Variants in ENPP3 observed in about 807,000 individuals in gnomAD.
ENPP3 encodes ectonucleotide pyrophosphatase/phosphodiesterase family member 3.
Under a neutral mutation model 117.8 loss-of-function variants are expected in ENPP3, and 104 were observed. The ratio of observed to expected loss-of-function variants is 0.88; its 90% CI spans 0.75 to 1.04. The LOEUF (loss-of-function observed/expected upper bound fraction) is 1.04, where lower values mean the gene tolerates loss of function less well. Ranked by LOEUF, ENPP3 falls within the 50% of genes least tolerant of loss-of-function variation. The probability of loss-of-function intolerance (pLI) is 0.00; values close to 1 mark genes in which losing one functional copy is unlikely to be tolerated. For synonymous variants in ENPP3, 380 were observed against 349.9 expected, an observed-to-expected ratio of 1.09 and a Z score of -0.96; for missense variants, 1,026 against 1,051.9, an observed-to-expected ratio of 0.98 and a Z score of 0.34.
At chr6:131,664,987 T>C (rs1185727886) in intron 6 of ENPP3, among the ~76,000 whole-genome samples, 1 of 152,188 alleles carries the variant, frequency 6.6e-6, no homozygotes, top group Admixed American at 6.5e-5. Context: ...TCAAATGCTC[T>C]TTCTGCTTCT....
In ENPP3 at chr6:131,691,906, T is replaced by G. The variant is rs9398992; in HGVS notation, c.1285-1591T>G. ...AATGATAAATAAAACAGTAGAAGCA[T>G]AAGAAGCCTAGAAAATATACCAAAA... On this transcript the variant is annotated intron_variant, in intron 14 of 24. Transcript: ENST00000357639. 3.2e-4 allele frequency among the ~76,000 whole-genome samples: 49 copies of G among 152,280 alleles called. 1 individual carries two copies. The East Asian group carries it at 9.2e-3, about 29-fold the overall frequency.
intron 3 of ENPP3, among the ~76,000 whole-genome samples, chr6:131,651,315 T>C (rs1216297821): frequency 6.6e-6 from 1 of 152,220 alleles, no homozygotes; most frequent in East Asian, 1.9e-4. Flanking sequence ...CAATTCAACC[T>C]ATAAGACCTA....
intron 15 of ENPP3, among the ~76,000 whole-genome samples, chr6:131,695,890 T>C (rs772439915): frequency 2.5e-4 from 38 of 152,022 alleles, no homozygotes; most frequent in Non-Finnish European, 4.6e-4. Context: ...CACTCCAGCC[T>C]GGGCAACAGA....
intron 15 of ENPP3, chr6:131,709,826 G>C (rs202051647): frequency 0.14 from 217,738 of 1,605,754 alleles, 26,394 homozygotes; most frequent in African/African-American, 0.58. Flanking sequence ...TTCCTGTAGA[G>C]TTTCATTTCA....
chr6:131,638,389 T>C, intron 1 of ENPP3: 3 of 363,062 alleles, frequency 8.3e-6, no homozygotes, highest in South Asian at 6.5e-5. Context: ...CTATCTAAGA[T>C]CTCTTAAGAA....
intron 6 of ENPP3, among the ~76,000 whole-genome samples, chr6:131,665,848 C>A (rs982179863): frequency 2.0e-5 from 3 of 152,050 alleles, no homozygotes; most frequent in Non-Finnish European, 4.4e-5. Context: ...TTAATGTAGG[C>A]ATTTATTACT....
intron 15 of ENPP3, among the ~76,000 whole-genome samples, chr6:131,717,351 GGTGTGT>G (rs71030754): frequency 0.12 from 11,030 of 89,142 alleles, 565 homozygotes; most frequent in East Asian, 0.22. Flanking sequence ...CCCTGCGGGG[GGTGTGT>G]GTGTGTGTGT....
chr6:131,738,226 A>G, intron 23 of ENPP3, 63 bp downstream of exon 23: 1 of 1,295,032 alleles, frequency 7.7e-7, no homozygotes, highest in Non-Finnish European at 1.1e-6. Context: ...CAATATTTTA[A>G]GTAAAGCTCA....
chr6:131,743,376 A>C (rs1041921188), intron 24 of ENPP3, among the ~76,000 whole-genome samples: 1 of 152,146 alleles, frequency 6.6e-6, no homozygotes, highest in Admixed American at 6.6e-5. Context: ...CAAATATGTT[A>C]GTTTCCTCAT....
At chr6:131,648,445 A>G (rs1467612644) in intron 2 of ENPP3, among the ~76,000 whole-genome samples, 2 of 152,044 alleles carry the variant, frequency 1.3e-5, no homozygotes, top group East Asian at 3.9e-4. Flanking sequence ...ATAGCTGGCC[A>G]GTTGTCCCAT....
intron 5 of ENPP3, among the ~76,000 whole-genome samples, chr6:131,655,340 T>A (rs887893693): frequency 1.3e-5 from 2 of 152,216 alleles, no homozygotes; most frequent in African/African-American, 4.8e-5. Context: ...TAAAAACCCT[T>A]TGGCTCTATT....
rs1266800171 is a variant in ENPP3 at position 131,693,619 on chromosome 6, T to C, written c.1407T>C (p.Ala469=). Residue 469 remains alanine (A), a synonymous_variant, in exon 15 of 25, where the codon GCT becomes GCC. Transcript: ENST00000357639. ...VHLFVDQQWL[A]VRSKSNTNCG... Reference sequence around the variant, plus strand: ...TCTTTGTGGATCAACAGTGGCTGGCTGTTAGGTTCGTGTATCTGTTTACTT... The same window carrying C: ...TCTTTGTGGATCAACAGTGGCTGGCCGTTAGGTTCGTGTATCTGTTTACTT... 1 of 1,613,300 alleles carries C rather than the reference T, an allele frequency of 6.2e-7. No individual in the cohort carries two copies.
chr6:131,675,235 C>A, intron 9 of ENPP3, 46 bp downstream of exon 9: 1 of 1,215,058 alleles, frequency 8.2e-7, no homozygotes, highest in Non-Finnish European at 1.2e-6. Context: ...CAGAAATGAT[C>A]AAGATGTTTT....
At chr6:131,656,861 T>C (rs577768299) in intron 5 of ENPP3, among the ~76,000 whole-genome samples, 25 of 152,164 alleles carry the variant, frequency 1.6e-4, no homozygotes, top group African/African-American at 5.8e-4. Flanking sequence ...GCTACAAGAA[T>C]GTTCATGTCA....
intron 5 of ENPP3, among the ~76,000 whole-genome samples, chr6:131,656,344 C>A (rs911943148): frequency 2.6e-5 from 4 of 152,180 alleles, no homozygotes; most frequent in Non-Finnish European, 5.9e-5. Context: ...AACTTTTACT[C>A]CATGAAATAG....
rs147313737 is a variant in ENPP3, at chr6:131,685,448, C to T, written c.1205C>T (p.Pro402Leu). 2.3e-4 allele frequency: 364 copies of T among 1,613,912 alleles called. No individual in the cohort carries two copies. The highest frequency in any genetic ancestry group is 3.2e-4 in the Admixed American group (19 of 60,012). The change falls in exon 13 of 25, where the codon CCT (proline) becomes CTT (leucine). Residue 402 changes from proline to leucine, a missense_variant. By Grantham distance (98) the Pro-to-Leu change is moderately conservative. Coordinates refer to ENST00000357639, the MANE Select transcript of ENPP3 (RefSeq NM_005021.5). The stretch of plus-strand genomic sequence containing the variant: ...AACTTCTTCTACATGTACGAAGGGC[C>T]TGCCCCCCGCATCCGAGCTCATAAT... Reference protein sequence around the residue: ...RINFFYMYEGPAPRIRAHNIP... With the variant: ...RINFFYMYEGLAPRIRAHNIP...
In ENPP3 at chr6:131,724,103, GA is replaced by G. The variant is rs1780096669; in HGVS notation, c.1798+16del. On this transcript the variant is annotated intron_variant, in intron 19 of 24. Coordinates refer to ENST00000357639, the MANE Select transcript of ENPP3 (RefSeq NM_005021.5). ...CACCCAAGAAGAAAGTAAGTCAATA[GA>G]AAACATGTTAAGTCTTTGATATTTA... 1 of 1,591,338 alleles carries G rather than the reference GA, an allele frequency of 6.3e-7. No homozygotes were observed. The highest frequency in any genetic ancestry group is 8.6e-7 in the Non-Finnish European group (1 of 1,160,202).
At chr6:131,642,020 C>T (rs184812031) in intron 2 of ENPP3, among the ~76,000 whole-genome samples, 1 of 151,816 alleles carries the variant, frequency 6.6e-6, no homozygotes, top group Admixed American at 6.6e-5. Flanking sequence ...GTCTCGAGCT[C>T]CCGGGCTCAA....
chr6:131,745,173 A>C (rs1780609266), intron 24 of ENPP3, among the ~76,000 whole-genome samples: 1 of 152,166 alleles, frequency 6.6e-6, no homozygotes. Flanking sequence ...GATCAAAGAT[A>C]TTAGGTGCTG....
Sources: allele counts gnomAD v4.1 joint callset (sites outside exome capture counted in the v4.1 genomes callset), GRCh38; gene constraint gnomAD v4.1.1; transcripts MANE v1.5; gene names NCBI Gene and HGNC (gene_info 2026-07-23, HGNC 2026-07-21).